Variants in POLE observed in about 807,000 individuals in gnomAD.
POLE encodes DNA polymerase epsilon catalytic subunit A.
POLE carries 188 observed loss-of-function variants against 279.2 expected under a neutral mutation model. The observed-to-expected ratio is 0.67, with a 90% CI of 0.60 to 0.76. The LOEUF (loss-of-function observed/expected upper bound fraction) is 0.76, where lower values mean the gene tolerates loss of function less well. Among genes scored for constraint, POLE ranks in the 30% least tolerant of loss-of-function variants. The pLI is 0.00. For missense variants in POLE, 2,703 were observed against 3,016.7 expected (o/e 0.90, Z 2.44); for synonymous variants, 1,214 against 1,172.5 (o/e 1.04, Z -0.72).
intron 23 of POLE, among the ~76,000 whole-genome samples, chr12:132,662,728 G>A (rs1333738010): frequency 6.6e-6 from 1 of 152,140 alleles, no homozygotes; most frequent in Admixed American, 6.5e-5. Context: ...AAGTAGGAAA[G>A]TGCTCCAGAA....
intron 32 of POLE, among the ~76,000 whole-genome samples, chr12:132,646,235 TTACAGAAA>T (rs2042280697): frequency 6.6e-6 from 1 of 152,046 alleles, no homozygotes; most frequent in South Asian, 2.1e-4. Context: ...ATGCACACAG[TTACAGAAA>T]TACAGAAATC....
Position 132,661,216 on chromosome 12 carries a change from C to CT in POLE, c.2865-53_2865-52insA. ...AGCAGTGGCAAGGAGCGCTGGGGAG[C>CT]CACCAGCTGTGCCTCATCCTCTCTG... On this transcript the variant is annotated intron_variant, in intron 24 of 48. Coordinates refer to ENST00000320574, the MANE Select transcript of POLE (RefSeq NM_006231.4). The surrounding 1 kb of genome is among the most constrained non-coding windows in gnomAD (Gnocchi z 4.1). The CT allele has an allele frequency of 1.3e-6, 2 of 1,484,302 alleles. No homozygotes were observed. The highest frequency in any genetic ancestry group is 1.8e-6 in the Non-Finnish European group (2 of 1,098,992). The allele number at this position is 1,484,302 out of a possible 1,614,324, so 91.9% of individuals were successfully genotyped here.
At chr12:132,640,545 C>T (rs1002107061) in intron 39 of POLE, among the ~76,000 whole-genome samples, 2 of 152,266 alleles carry the variant, frequency 1.3e-5, no homozygotes, top group Non-Finnish European at 1.5e-5. Context: ...GCACTGTACA[C>T]GCCCTGTCTG....
At chr12:132,670,891 T>G (rs1016520941) in intron 16 of POLE, among the ~76,000 whole-genome samples, 1 of 152,182 alleles carries the variant, frequency 6.6e-6, no homozygotes, top group South Asian at 2.1e-4. Flanking sequence ...TGGCTGACAA[T>G]AGCCAAACAG....
intron 44 of POLE, 74 bp downstream of exon 44, chr12:132,632,590 G>A (rs2041955952): frequency 1.2e-6 from 2 of 1,608,810 alleles, no homozygotes; most frequent in African/African-American, 1.3e-5. Flanking sequence ...TGGCACCGGG[G>A]ACCACCCATG....
At position 132,677,478 on chromosome 12, in the gene POLE, C is replaced by T. The variant is rs374687708; in HGVS notation, c.721-35G>A. The stretch of plus-strand genomic sequence containing the variant: ...ACACAGTGTGCTAACTAGAGTTCTA[C>T]ATCCAGGAAAGTCTATTCTTCTGTG... On this transcript the variant is annotated intron_variant, in intron 7 of 48. Transcript: ENST00000320574. 16 of 1,608,466 alleles carry T rather than the reference C, an allele frequency of 9.9e-6. No homozygotes were observed. The African/African-American group carries it at 2.1e-4, about 22-fold the overall frequency.
At chr12:132,642,435 C>A in intron 37 of POLE, 38 bp from the exon 38 acceptor site, 1 of 1,594,650 alleles carries the variant, frequency 6.3e-7, no homozygotes, top group Non-Finnish European at 8.6e-7. Flanking sequence ...GGCACATCGC[C>A]GGGTCACAGA....
chr12:132,650,182 C>T (rs1031445413), intron 29 of POLE: 16 of 399,660 alleles, frequency 4.0e-5, no homozygotes, highest in East Asian at 2.3e-4. Flanking sequence ...GAACTCCAGC[C>T]TGGGCAAGTG....
In POLE at chr12:132,643,465, G is replaced by C. The variant is rs1555222988; in HGVS notation, c.4386C>G (p.Thr1462=). 1 of 1,614,222 alleles carries C rather than the reference G, an allele frequency of 6.2e-7. No individual in the cohort carries two copies. The highest frequency in any genetic ancestry group is 8.5e-7 in the Non-Finnish European group (1 of 1,180,044). The change falls in exon 34 of 49, where the codon ACC becomes ACG. Residue 1462 remains threonine, a synonymous_variant. Transcript: ENST00000320574. Reference sequence around the variant, plus strand: ...GCATCTCCAGGTGCTCAAGAGCAAAGGTCTCTGCTTCCCAGCCTGAAAGGT... The same window carrying C: ...GCATCTCCAGGTGCTCAAGAGCAAACGTCTCTGCTTCCCAGCCTGAAAGGT... ...VRHLSGWEAE[T]FALEHLEMRS...
At chr12:132,635,421 G>A (rs2042011823) in intron 42 of POLE, among the ~76,000 whole-genome samples, 1 of 152,216 alleles carries the variant, frequency 6.6e-6, no homozygotes, top group African/African-American at 2.4e-5. Flanking sequence ...TTATCCACAT[G>A]GGGCCAAGAA....
At chr12:132,658,092 T>C in intron 26 of POLE, 122 bp from the exon 27 acceptor site, 2 of 682,508 alleles carry the variant, frequency 2.9e-6, no homozygotes, top group East Asian at 5.3e-5. Flanking sequence ...AACATCAATG[T>C]ATACATCTGC....
intron 25 of POLE, 56 bp from the exon 26 acceptor site, chr12:132,659,565 C>G (rs1340478906): frequency 6.8e-7 from 1 of 1,465,400 alleles, no homozygotes; most frequent in Non-Finnish European, 9.5e-7. Context: ...AGTCTGAGCT[C>G]ACCCTGGACT....
intron 23 of POLE, among the ~76,000 whole-genome samples, chr12:132,663,273 A>G (rs1482046108): frequency 6.6e-6 from 1 of 152,212 alleles, no homozygotes; most frequent in East Asian, 1.9e-4. Context: ...GGGGCACAGG[A>G]GCGCCACAGT....
chr12:132,680,151 T>C (rs2043137196), intron 4 of POLE, 27 bp downstream of exon 4: 3 of 1,608,472 alleles, frequency 1.9e-6, no homozygotes, highest in Non-Finnish European at 2.6e-6. Flanking sequence ...ACAGGTCGTC[T>C]GACCTGAGTC....
intron 23 of POLE, among the ~76,000 whole-genome samples, chr12:132,663,192 C>A (rs903551275): frequency 6.6e-6 from 1 of 152,206 alleles, no homozygotes; most frequent in Non-Finnish European, 1.5e-5. Context: ...GAAACTCTGA[C>A]AGCCCTCCTC....
intron 2 of POLE, 186 bp downstream of exon 2, chr12:132,680,952 T>G: frequency 1.5e-6 from 1 of 677,540 alleles, no homozygotes; most frequent in Non-Finnish European, 2.4e-6. Flanking sequence ...ACCTCCGGCT[T>G]CTCACAGTGG....
chr12:132,649,912 T>A, intron 29 of POLE, 23 bp from the exon 30 acceptor site: 3 of 1,606,820 alleles, frequency 1.9e-6, no homozygotes, highest in Non-Finnish European at 2.6e-6. Context: ...AGTGAAGCCT[T>A]AAATCTCAGG....
Position 132,634,799 on chromosome 12 carries a change from C to T in POLE, c.5812-421G>A, listed in dbSNP as rs1008395103. ...TGTGTTCGTGCCACGGCACCATCCA[C>T]GTCTGTGTAGACACCGACACCCACT... On this transcript the variant is annotated intron_variant, in intron 42 of 48. Coordinates refer to ENST00000320574, the MANE Select transcript of POLE (RefSeq NM_006231.4). The surrounding 1 kb of genome is among the most constrained non-coding windows in gnomAD (Gnocchi z 4.0). Among the ~76,000 whole-genome samples, 4 of 152,212 alleles carry T rather than the reference C, an allele frequency of 2.6e-5. No homozygotes were observed. The highest frequency in any genetic ancestry group is 4.4e-5 in the Non-Finnish European group (3 of 68,036).
chr12:132,626,281 T>G lies in POLE; in HGVS notation c.6367A>C (p.Asn2123His). 6.2e-7 allele frequency: 1 copy of G among 1,613,786 alleles called. No individual in the cohort carries two copies. Among genetic ancestry groups the G allele is most frequent in the Non-Finnish European group, 8.5e-7 (1 of 1,180,024 alleles). The change falls in exon 46 of 49, where the codon AAT (asparagine) becomes CAT (histidine). Residue 2123 changes from asparagine to histidine, a missense_variant. By Grantham distance (68) the Asn-to-His change is moderately conservative. Around this residue, in one of 5 missense-constraint regions of POLE, gnomAD observed 1,551 missense variants for 1,686.1 expected, o/e 0.92. Transcript: ENST00000320574. ...SLDTNITNQVNKLNRDLLRLV... is the reference protein window; with the variant it reads ...SLDTNITNQVHKLNRDLLRLV... Reference sequence around the variant, plus strand: ...CGAAGCAGGTCTCGGTTCAGCTTATTCACCTGGTTTGTGATGTTGGTGTCC... The same window carrying G: ...CGAAGCAGGTCTCGGTTCAGCTTATGCACCTGGTTTGTGATGTTGGTGTCC...
Sources: gnomAD v4.1 joint callset for allele counts (sites outside exome capture counted in the v4.1 genomes callset) on GRCh38, gnomAD v4.1.1 for gene constraint, gnomAD v4.1.1 regional missense constraint, Gnocchi (gnomAD v3.1) non-coding constraint, MANE v1.5 for transcripts, NCBI Gene and HGNC (gene_info 2026-07-23, HGNC 2026-07-21) for gene names.